The following EGFR variants were observed in gnomAD, a reference collection of about 807,000 sequenced individuals.
EGFR encodes the protein epidermal growth factor receptor, also known as avian erythroblastic leukemia viral (v-erb-b) oncogene homolog.
EGFR carries 58 observed loss-of-function variants against 143.0 expected under a neutral mutation model. The ratio of observed to expected loss-of-function variants is 0.41; its 90% CI spans 0.33 to 0.50. EGFR has a LOEUF of 0.50. Among genes scored for constraint, EGFR ranks in the 20% least tolerant of loss-of-function variants. The pLI, the probability that EGFR is intolerant of heterozygous loss-of-function variation, is 0.39. For missense variants in EGFR, 1,307 were observed against 1,579.0 expected (o/e 0.83, Z 2.92); for synonymous variants, 613 against 594.4 (o/e 1.03, Z -0.45).
chr7:55,120,187 G>T (rs954026342), intron 1 of EGFR, among the ~76,000 whole-genome samples: 5 of 152,168 alleles, frequency 3.3e-5, no homozygotes, highest in Non-Finnish European at 5.9e-5. Context: ...CTGGCAGGAG[G>T]ACTGCAGACA....
intron 2 of EGFR, 115 bp from the exon 3 acceptor site, chr7:55,143,190 A>C: frequency 3.0e-6 from 3 of 1,002,872 alleles, no homozygotes; most frequent in Non-Finnish European, 4.6e-6. Context: ...GTTGTTGAGC[A>C]CTCGTGTGCA....
chr7:55,122,848 G>A (rs1169709266), intron 1 of EGFR, among the ~76,000 whole-genome samples: 1 of 152,268 alleles, frequency 6.6e-6, no homozygotes, highest in Non-Finnish European at 1.5e-5. Flanking sequence ...CTGTCACAAT[G>A]TGGGGTAGTG....
intron 1 of EGFR, among the ~76,000 whole-genome samples, chr7:55,055,287 C>G (rs1264231944): frequency 6.6e-6 from 1 of 152,128 alleles, no homozygotes; most frequent in Non-Finnish European, 1.5e-5. Context: ...AACTCTTGGT[C>G]CAAGAATTCT....
intron 1 of EGFR, among the ~76,000 whole-genome samples, chr7:55,104,518 A>G (rs1329368785): frequency 6.6e-6 from 1 of 152,188 alleles, no homozygotes; most frequent in African/African-American, 2.4e-5. Flanking sequence ...AAGAAAACCT[A>G]GAGCCTATCT....
In EGFR at chr7:55,036,279, G is replaced by GGT. The variant is rs1562657131; in HGVS notation, c.88+16915_88+16916insTG. The stretch of plus-strand genomic sequence containing the variant: ...TCAAGTTTGTGTGTGTGTGGGGGGG[G>GGT]GGGGGTGGGTGTGTGTGTGTACCAC... On this transcript the variant is annotated intron_variant, in intron 1 of 27. Transcript: ENST00000275493. 6.8e-5 allele frequency among the ~76,000 whole-genome samples: 6 copies of GGT among 88,372 alleles called. 1 individual carries two copies. Among genetic ancestry groups the GGT allele is most frequent in the African/African-American group, 2.4e-4 (6 of 24,934 alleles). 58.0% of individuals were successfully genotyped at this position (88,372 alleles called of 152,430 possible). A position where few individuals can be genotyped will look rare whatever the true frequency, so the allele number is the denominator to read the frequency against.
chr7:55,099,994 C>A (rs538059819), intron 1 of EGFR, among the ~76,000 whole-genome samples: 1 of 152,272 alleles, frequency 6.6e-6, no homozygotes, highest in Non-Finnish European at 1.5e-5. Context: ...GGTTTCAATC[C>A]TTTTTTAAAT....
chr7:55,188,238 T>C (rs904098493), intron 20 of EGFR, among the ~76,000 whole-genome samples: 3 of 152,142 alleles, frequency 2.0e-5, no homozygotes, highest in African/African-American at 7.2e-5. Flanking sequence ...AAGTCACTGC[T>C]CCATGAGCTC....
chr7:55,117,452 C>T (rs1792931093), intron 1 of EGFR, among the ~76,000 whole-genome samples: 2 of 152,194 alleles, frequency 1.3e-5, no homozygotes, highest in Admixed American at 6.5e-5. Context: ...CTGCAGAAAA[C>T]GAGGCAGCTT....
intron 3 of EGFR, 110 bp from the exon 4 acceptor site, chr7:55,146,496 C>G (rs758760918): frequency 4.7e-5 from 72 of 1,543,536 alleles, no homozygotes; most frequent in Middle Eastern, 2.2e-4. Context: ...GACTCTTGTT[C>G]GCACCATGGC....
chr7:55,181,503 G>T, intron 20 of EGFR, 25 bp downstream of exon 20: 1 of 1,614,232 alleles, frequency 6.2e-7, no homozygotes, highest in Non-Finnish European at 8.5e-7. Flanking sequence ...GAGATACGGG[G>T]AGGGGAGATA....
At chr7:55,054,047 T>C (rs557975795) in intron 1 of EGFR, among the ~76,000 whole-genome samples, 3 of 141,404 alleles carry the variant, frequency 2.1e-5, no homozygotes, top group African/African-American at 5.0e-5. Flanking sequence ...GTGTTAACAA[T>C]GGCTGAGCGT....
chr7:55,099,463 T>C (rs1209768759), intron 1 of EGFR, among the ~76,000 whole-genome samples: 2 of 152,226 alleles, frequency 1.3e-5, no homozygotes, highest in Non-Finnish European at 2.9e-5. Context: ...TCCTTGTCTA[T>C]GAAAAGGTGA....
chr7:55,092,080 C>T (rs899148823), intron 1 of EGFR, among the ~76,000 whole-genome samples: 3 of 152,080 alleles, frequency 2.0e-5, no homozygotes, highest in African/African-American at 7.2e-5. Flanking sequence ...TAATGGATAG[C>T]AGGCTGTAAT....
At chr7:55,145,393 T>G (rs1794709569) in intron 3 of EGFR, among the ~76,000 whole-genome samples, 1 of 152,216 alleles carries the variant, frequency 6.6e-6, no homozygotes, top group South Asian at 2.1e-4. Flanking sequence ...GCACCACGAT[T>G]CAGCCCTTAT....
At position 55,035,375 on chromosome 7, in the gene EGFR, TA is replaced by T. The variant is rs112360928; in HGVS notation, c.88+16015del. ...TAGTTGTATTACTTAGAAATTATACTAAAAATGGCCGAGTGTGGTGGCTCAC... is the reference window on the plus strand; with the variant it reads ...TAGTTGTATTACTTAGAAATTATACTAAAATGGCCGAGTGTGGTGGCTCAC... On this transcript the variant is annotated intron_variant, in intron 1 of 27. Coordinates refer to ENST00000275493, the MANE Select transcript of EGFR (RefSeq NM_005228.5). Among the ~76,000 whole-genome samples the T allele has an allele frequency of 6.9e-3, 1,044 of 152,044 alleles. 9 individuals are homozygous for T. Among genetic ancestry groups the T allele is most frequent in the Middle Eastern group, 0.031 (9 of 294 alleles).
At chr7:55,115,903 C>G (rs1792810815) in intron 1 of EGFR, among the ~76,000 whole-genome samples, 1 of 152,186 alleles carries the variant, frequency 6.6e-6, no homozygotes, top group South Asian at 2.1e-4. Flanking sequence ...TAAGCGACCG[C>G]AGATTATGCG....
At chr7:55,107,950 C>T (rs1357544837) in intron 1 of EGFR, among the ~76,000 whole-genome samples, 1 of 152,250 alleles carries the variant, frequency 6.6e-6, no homozygotes, top group Non-Finnish European at 1.5e-5. Flanking sequence ...CTCATGAACA[C>T]CTCCACTGCT....
At chr7:55,058,771 C>A (rs1788988254) in intron 1 of EGFR, among the ~76,000 whole-genome samples, 1 of 152,050 alleles carries the variant, frequency 6.6e-6, no homozygotes, top group South Asian at 2.1e-4. Context: ...ATAATCTGTA[C>A]AACAAACTAC....
At chr7:55,122,948 G>A (rs1336846587) in intron 1 of EGFR, among the ~76,000 whole-genome samples, 1 of 152,218 alleles carries the variant, frequency 6.6e-6, no homozygotes, top group Admixed American at 6.5e-5. Flanking sequence ...CTGATTAATT[G>A]ATGAATTGAT....
Sources: gnomAD v4.1 joint callset for allele counts (sites outside exome capture counted in the v4.1 genomes callset) on GRCh38, gnomAD v4.1.1 for gene constraint, MANE v1.5 for transcripts, NCBI Gene and HGNC (gene_info 2026-07-23, HGNC 2026-07-21) for gene names.